BIN1: variants seen among roughly 807,000 people sequenced by gnomAD.
BIN1 encodes the protein bridging integrator 1, also known as myc box-dependent-interacting protein 1.
Under a neutral mutation model 82.0 loss-of-function variants are expected in BIN1, and 53 were observed. The observed-to-expected ratio is 0.65, with a 90% confidence interval of 0.52 to 0.81. The LOEUF (loss-of-function observed/expected upper bound fraction) is 0.81, where lower values mean the gene tolerates loss of function less well. BIN1 is among the 40% of genes least tolerant of loss of function. The probability of loss-of-function intolerance (pLI) is 0.00; values close to 1 mark genes in which losing one functional copy is unlikely to be tolerated. For missense variants in BIN1, 642 were observed against 784.4 expected, an observed-to-expected ratio of 0.82 and a Z score of 2.17; for synonymous variants, 302 against 328.0, an observed-to-expected ratio of 0.92 and a Z score of 0.86.
chr2:127,099,386 T>TGTCG (rs1680003908), intron 1 of BIN1, among the ~76,000 whole-genome samples: 2 of 152,014 alleles, frequency 1.3e-5, no homozygotes, highest in South Asian at 4.2e-4. Flanking sequence ...GCGGGGGCAG[T>TGTCG]GTCGGCAGCA....
chr2:127,053,650 G>A (rs1683259942), intron 13 of BIN1: 1 of 760,390 alleles, frequency 1.3e-6, no homozygotes. Flanking sequence ...CCCCAAGCCA[G>A]GATGCTTCTG....
chr2:127,055,056 C>CG (rs1558802233), intron 12 of BIN1: 2 of 152,230 alleles, frequency 1.3e-5, no homozygotes. Flanking sequence ...GGGACGTGGC[C>CG]GGGGTGCTCC....
intron 2 of BIN1, among the ~76,000 whole-genome samples, chr2:127,075,008 C>A (rs1686407734): frequency 6.6e-6 from 1 of 152,130 alleles, no homozygotes; most frequent in Non-Finnish European, 1.5e-5. Flanking sequence ...GCCAGCTCAG[C>A]CTGTTCTAAG....
chr2:127,052,026 G>A (rs936906397), intron 15 of BIN1, among the ~76,000 whole-genome samples: 1 of 152,272 alleles, frequency 6.6e-6, no homozygotes, highest in East Asian at 1.9e-4. Context: ...CTGGGAGGCT[G>A]GGCTGGGGTG....
In BIN1 at chr2:127,107,140, G is replaced by A. The variant is rs886054840; in HGVS notation, c.-197C>T. ...CGAGCCAGCGAGCTAGCCAGCGAGC[G>A]ACGCGGGGACAGAGGGAGGGAGAGG... On this transcript the variant is annotated 5_prime_UTR_variant, in exon 1 of 19. Transcript: ENST00000316724. The surrounding 1 kb of genome is among the most constrained non-coding windows in gnomAD (Gnocchi z 5.9). 88 of 517,170 alleles carry A rather than the reference G, an allele frequency of 1.7e-4. No individual in the cohort carries two copies. In the Middle Eastern group the frequency reaches 2.3e-3, roughly 13 times the overall value. The allele number at this position is 517,170 out of a possible 1,614,324, so 32.0% of individuals were successfully genotyped here.
intron 12 of BIN1, 84 bp from the exon 13 acceptor site, chr2:127,054,096 G>T: frequency 8.7e-7 from 1 of 1,143,992 alleles, no homozygotes; most frequent in Non-Finnish European, 1.3e-6. Context: ...TGCAGGCACA[G>T]GCACACGCGT....
chr2:127,093,181 C>T lies in BIN1; in HGVS notation c.84+13679G>A, dbSNP rs902327215. ...GAGCCTGGCCCCCACAAGGCCCTGT[C>T]GGGGCTCAGAACACAGCACCCCAAA... is the stretch of plus-strand genomic sequence containing the variant. On this transcript the variant is annotated intron_variant, in intron 1 of 18. Coordinates refer to ENST00000316724, the MANE Select transcript of BIN1 (RefSeq NM_139343.3). The surrounding 1 kb of genome is among the most constrained non-coding windows in gnomAD (Gnocchi z 5.7). Among the ~76,000 whole-genome samples the T allele has an allele frequency of 1.3e-5, 2 of 152,134 alleles. No homozygotes were observed. The highest frequency in any genetic ancestry group is 4.8e-5 in the African/African-American group (2 of 41,428).
In BIN1 at chr2:127,064,028, A is replaced by AG; in HGVS notation, c.613-11dup. ...TGAGCTCCTCCTCGGCCTGGGGGGCAGCACGGGTCATTCCCCTCTGTTGGG... is the reference window on the plus strand; with the variant it reads ...TGAGCTCCTCCTCGGCCTGGGGGGCAGGCACGGGTCATTCCCCTCTGTTGGG... On this transcript the variant is annotated splice_polypyrimidine_tract_variant and intron_variant, in intron 7 of 18. Coordinates refer to ENST00000316724, the MANE Select transcript of BIN1 (RefSeq NM_139343.3). 1 of 1,613,726 alleles carries AG rather than the reference A, an allele frequency of 6.2e-7. No individual in the cohort carries two copies. The highest frequency in any genetic ancestry group is 8.5e-7 in the Non-Finnish European group (1 of 1,179,974).
Position 127,053,885 on chromosome 2 carries a change from C to T in BIN1, c.1239+20G>A. 1.3e-6 allele frequency: 2 copies of T among 1,547,912 alleles called. No homozygotes were observed. Among genetic ancestry groups the T allele is most frequent in the South Asian group, 2.4e-5 (2 of 83,970 alleles). ...ACCTGGAAGCTGGTGGGCCCATGGG[C>T]AGTGGTGGGCACAACCAACCTGACC... On this transcript the variant is annotated intron_variant, in intron 13 of 18. Transcript: ENST00000316724.
At chr2:127,058,973 G>A (rs1222279162) in intron 11 of BIN1, 38 bp downstream of exon 11, 1 of 1,551,524 alleles carries the variant, frequency 6.4e-7, no homozygotes, top group South Asian at 1.2e-5. Flanking sequence ...GGAGAAGGAG[G>A]GAGGGCAGGG....
intron 1 of BIN1, among the ~76,000 whole-genome samples, chr2:127,105,918 C>T (rs934624745): frequency 4.6e-5 from 7 of 152,264 alleles, no homozygotes; most frequent in African/African-American, 1.7e-4. Context: ...GAAGTGGCGT[C>T]AGCAGCTGGC....
chr2:127,093,884 C>T lies in BIN1; in HGVS notation c.84+12976G>A, dbSNP rs1440183048. Among the ~76,000 whole-genome samples, 1 of 152,198 alleles carries T rather than the reference C, an allele frequency of 6.6e-6. No individual in the cohort carries two copies. The highest frequency in any genetic ancestry group is 2.4e-5 in the African/African-American group (1 of 41,436). The stretch of plus-strand genomic sequence containing the variant: ...CTACCATCTGGATCCTGAGCTAGGC[C>T]TGGACTCCCTGGACTCCTCCAGTGC... On this transcript the variant is annotated intron_variant, in intron 1 of 18. Coordinates refer to ENST00000316724, the MANE Select transcript of BIN1 (RefSeq NM_139343.3). This position sits in a 1 kb window ranked among gnomAD's most constrained non-coding sequence, Gnocchi z 5.7.
At chr2:127,092,224 G>A (rs1017378892) in intron 1 of BIN1, among the ~76,000 whole-genome samples, 5 of 152,174 alleles carry the variant, frequency 3.3e-5, no homozygotes, top group Non-Finnish European at 5.9e-5. Context: ...CCCGTCCTGT[G>A]CTGTGTGGTA....
intron 13 of BIN1, chr2:127,053,669 G>C (rs957330061): frequency 2.7e-6 from 2 of 730,800 alleles, no homozygotes; most frequent in African/African-American, 3.5e-5. Context: ...TGCCCCAAGC[G>C]ATGAGCACAA....
At chr2:127,052,137 C>G in intron 15 of BIN1, 118 bp downstream of exon 15, 2 of 1,104,562 alleles carry the variant, frequency 1.8e-6, no homozygotes, top group South Asian at 2.7e-5. Context: ...ACCCTGTCCT[C>G]ACCCTCACAT....
At chr2:127,053,397 G>T in intron 14 of BIN1, 25 bp downstream of exon 14, 1 of 1,613,776 alleles carries the variant, frequency 6.2e-7, no homozygotes, top group Non-Finnish European at 8.5e-7. Flanking sequence ...CCAGGGGCTG[G>T]ACAAAGAGCA....
chr2:127,062,932 C>T (rs1350966236), intron 9 of BIN1, among the ~76,000 whole-genome samples: 1 of 152,194 alleles, frequency 6.6e-6, no homozygotes, highest in Non-Finnish European at 1.5e-5. Context: ...CCTCCTCCGA[C>T]CCTGGGCCTG....
At chr2:127,099,551 G>A (rs1680027730) in intron 1 of BIN1, among the ~76,000 whole-genome samples, 1 of 152,202 alleles carries the variant, frequency 6.6e-6, no homozygotes, top group African/African-American at 2.4e-5. Flanking sequence ...GTCTCACTCT[G>A]TCACCAGGCT....
At chr2:127,077,403 C>A (rs1312781564) in intron 1 of BIN1, among the ~76,000 whole-genome samples, 1 of 152,216 alleles carries the variant, frequency 6.6e-6, no homozygotes, top group African/African-American at 2.4e-5. Flanking sequence ...CAGAGGTGGA[C>A]TCCCCCTCAA....
Sources: gnomAD v4.1 joint callset for allele counts (sites outside exome capture counted in the v4.1 genomes callset) on GRCh38, gnomAD v4.1.1 for gene constraint, Gnocchi (gnomAD v3.1) non-coding constraint, MANE v1.5 for transcripts, NCBI Gene and HGNC (gene_info 2026-07-23, HGNC 2026-07-21) for gene names.